Variants in PCGF5 observed in about 807,000 individuals in gnomAD.
PCGF5 encodes polycomb group ring finger 5, also known as polycomb group RING finger protein 5.
PCGF5 carries 9 observed loss-of-function variants against 44.3 expected under a neutral mutation model. The ratio of observed to expected loss-of-function variants is 0.20; its 90% confidence interval spans 0.12 to 0.35. PCGF5 has a LOEUF of 0.35. PCGF5 is among the 10% of genes least tolerant of loss of function. The pLI, the probability that PCGF5 is intolerant of heterozygous loss-of-function variation, is 1.00. For synonymous variants in PCGF5, 95 were observed against 102.5 expected (o/e 0.93, Z 0.44); for missense variants, 146 against 305.3 (o/e 0.48, Z 3.89).
rs1244355829 is a variant in PCGF5, at chr10:91,166,652, C to G, written c.-184+3571C>G. 2.0e-5 allele frequency among the ~76,000 whole-genome samples: 3 copies of G among 152,040 alleles called. No homozygotes were observed. The East Asian group carries it at 5.8e-4, about 29-fold the overall frequency. On this transcript the variant is annotated intron_variant, in intron 1 of 9. Transcript: ENST00000614189. Reference sequence around the variant, plus strand: ...AGTCAGGACATCTGATGGGTGTTGCCTCTGTCACAGCATCCAATAGAAAAG... The same window carrying G: ...AGTCAGGACATCTGATGGGTGTTGCGTCTGTCACAGCATCCAATAGAAAAG...
intron 9 of PCGF5, among the ~76,000 whole-genome samples, chr10:91,275,450 T>A (rs74696442): frequency 1.8e-4 from 24 of 134,576 alleles, no homozygotes; most frequent in African/African-American, 3.3e-4. Context: ...ATTTTATTTT[T>A]TTTTTTTTTG....
chr10:91,212,554 C>T (rs1039673613), intron 1 of PCGF5, among the ~76,000 whole-genome samples: 1 of 152,110 alleles, frequency 6.6e-6, no homozygotes, highest in Non-Finnish European at 1.5e-5. Context: ...ATTGTATACT[C>T]AGAGGCTACT....
intron 1 of PCGF5, among the ~76,000 whole-genome samples, chr10:91,206,786 G>C (rs7894809): frequency 0.77 from 116,517 of 152,090 alleles, 47,619 homozygotes; most frequent in East Asian, 0.95. Flanking sequence ...GCCTTACATT[G>C]TGTATTCTCT....
intron 1 of PCGF5, among the ~76,000 whole-genome samples, chr10:91,192,083 T>A (rs2901260): frequency 0.51 from 77,852 of 152,016 alleles, 25,015 homozygotes; most frequent in Non-Finnish European, 0.71. Context: ...CTTTATAGTT[T>A]TGTCATCCTC....
intron 2 of PCGF5, among the ~76,000 whole-genome samples, chr10:91,234,750 T>G (rs1845107507): frequency 6.6e-6 from 1 of 152,222 alleles, no homozygotes; most frequent in South Asian, 2.1e-4. Flanking sequence ...TTTACATATA[T>G]TATCTCCTTT....
intron 2 of PCGF5, among the ~76,000 whole-genome samples, chr10:91,235,595 C>T (rs1441121243): frequency 6.6e-6 from 1 of 152,068 alleles, no homozygotes; most frequent in African/African-American, 2.4e-5. Context: ...GCTGTGTCCC[C>T]ACCCAAATCT....
upstream of PCGF5, among the ~76,000 whole-genome samples, chr10:91,215,955 C>G (rs181910684): frequency 2.4e-3 from 372 of 152,308 alleles, 3 homozygotes; most frequent in African/African-American, 8.2e-3. Flanking sequence ...TTGTAAGGAT[C>G]CCTTCAAGAA....
chr10:91,174,772 G>T (rs1286645065), intron 1 of PCGF5, among the ~76,000 whole-genome samples: 1 of 152,188 alleles, frequency 6.6e-6, no homozygotes, highest in Non-Finnish European at 1.5e-5. Flanking sequence ...TTCATCTTTG[G>T]TGGCAATCTC....
intron 3 of PCGF5, among the ~76,000 whole-genome samples, chr10:91,247,834 A>G (rs1052494825): frequency 2.6e-5 from 4 of 152,182 alleles, no homozygotes; most frequent in Non-Finnish European, 4.4e-5. Flanking sequence ...CTGTTGCTGC[A>G]TAACAGACAA....
chr10:91,193,799 G>T (rs964734548), intron 1 of PCGF5, among the ~76,000 whole-genome samples: 3 of 152,164 alleles, frequency 2.0e-5, no homozygotes, highest in African/African-American at 7.2e-5. Flanking sequence ...AAGGGGAGAA[G>T]CAGGGAGACC....
chr10:91,237,320 C>T (rs1265732453), intron 2 of PCGF5, among the ~76,000 whole-genome samples: 3 of 151,980 alleles, frequency 2.0e-5, no homozygotes, highest in Admixed American at 6.6e-5. Context: ...ATCATCCAAA[C>T]GAAAAACAAA....
At chr10:91,193,872 G>C (rs1844079992) in intron 1 of PCGF5, among the ~76,000 whole-genome samples, 1 of 152,136 alleles carries the variant, frequency 6.6e-6, no homozygotes, top group Non-Finnish European at 1.5e-5. Context: ...AGCAGTAGTG[G>C]AGATGTTGAG....
At chr10:91,218,365 G>T (rs1415334694), upstream of PCGF5, among the ~76,000 whole-genome samples, 1 of 151,664 alleles carries the variant, frequency 6.6e-6, no homozygotes, top group Non-Finnish European at 1.5e-5. Context: ...CCAGGCCTTT[G>T]TTTACTTGAG....
intron 1 of PCGF5, among the ~76,000 whole-genome samples, chr10:91,210,248 T>C (rs1053042924): frequency 2.0e-5 from 3 of 152,182 alleles, no homozygotes; most frequent in Admixed American, 6.5e-5. Context: ...CAGAGAGTGC[T>C]ACAGCTCTTG....
chr10:91,174,426 G>A (rs1843665166), intron 1 of PCGF5, among the ~76,000 whole-genome samples: 1 of 152,100 alleles, frequency 6.6e-6, no homozygotes, highest in Non-Finnish European at 1.5e-5. Context: ...AGAATCACTT[G>A]AACCCAGGAG....
At position 91,240,589 on chromosome 10, in the gene PCGF5, G is replaced by A; in HGVS notation, c.209+9G>A. Reference sequence around the variant, plus strand: ...CCATTAGAAATGTTGAGGTAAGGATGTTATATTTTACAGTTCATCTAATTT... The same window carrying A: ...CCATTAGAAATGTTGAGGTAAGGATATTATATTTTACAGTTCATCTAATTT... On this transcript the variant is annotated intron_variant, in intron 3 of 9. Transcript: ENST00000336126. 1 of 1,571,268 alleles carries A rather than the reference G, an allele frequency of 6.4e-7. No individual in the cohort carries two copies. Among genetic ancestry groups the A allele is most frequent in the Non-Finnish European group, 8.7e-7 (1 of 1,146,388 alleles).
upstream of PCGF5, among the ~76,000 whole-genome samples, chr10:91,158,230 T>C (rs560064362): frequency 2.5e-4 from 38 of 152,276 alleles, no homozygotes; most frequent in African/African-American, 9.1e-4. Flanking sequence ...GTTGGGAAAG[T>C]CCAGCTGCCC....
chr10:91,278,082 A>G (rs555880881), intron 9 of PCGF5, among the ~76,000 whole-genome samples, 187 bp from the exon 10 acceptor site: 8 of 152,262 alleles, frequency 5.3e-5, no homozygotes, highest in African/African-American at 1.4e-4. Context: ...AACTTGACTG[A>G]TTCTAGAAAA....
chr10:91,211,031 A>T (rs533524042), intron 1 of PCGF5, among the ~76,000 whole-genome samples: 335 of 152,348 alleles, frequency 2.2e-3, no homozygotes, highest in Middle Eastern at 6.8e-3. Context: ...ACCAGGAGGC[A>T]TTTGTTAAAT....
Sources: allele counts gnomAD v4.1 joint callset (sites outside exome capture counted in the v4.1 genomes callset), GRCh38; gene constraint gnomAD v4.1.1; transcripts MANE v1.5; gene names NCBI Gene and HGNC (gene_info 2026-07-23, HGNC 2026-07-21).